The following SLC22A4 variants were observed in gnomAD, a reference collection of about 807,000 sequenced individuals.
SLC22A4 encodes ET transporter.
A neutral mutation model predicts 56.6 loss-of-function variants in SLC22A4; 39 were observed. The ratio of observed to expected loss-of-function variants is 0.69; its 90% CI spans 0.53 to 0.90. The LOEUF (loss-of-function observed/expected upper bound fraction) is 0.90. Ranked by LOEUF, SLC22A4 falls within the 40% of genes least tolerant of loss-of-function variation. SLC22A4 has a pLI of 0.00. For missense variants in SLC22A4, 594 were observed against 696.5 expected, an observed-to-expected ratio of 0.85 and a Z score of 1.66; for synonymous variants, 241 against 281.4, an observed-to-expected ratio of 0.86 and a Z score of 1.44.
intron 1 of SLC22A4, among the ~76,000 whole-genome samples, chr5:132,302,584 C>T (rs1749928940): frequency 6.6e-6 from 1 of 152,186 alleles, no homozygotes; most frequent in Non-Finnish European, 1.5e-5. Context: ...ACAGACAGTC[C>T]AAGGCTGGTG....
chr5:132,325,784 C>A (rs1057390335), intron 4 of SLC22A4, among the ~76,000 whole-genome samples: 12 of 152,196 alleles, frequency 7.9e-5, no homozygotes, highest in Non-Finnish European at 1.6e-4. Context: ...AGACACGACT[C>A]CAGAGGCAGG....
At chr5:132,336,097 C>A in intron 8 of SLC22A4, 97 bp downstream of exon 8, 1 of 1,314,922 alleles carries the variant, frequency 7.6e-7, no homozygotes, top group Non-Finnish European at 1.1e-6. Flanking sequence ...ATAGAATGTA[C>A]TGGAAAAAAG....
At chr5:132,317,373 A>C (rs371853925) in intron 3 of SLC22A4, among the ~76,000 whole-genome samples, 1 of 152,146 alleles carries the variant, frequency 6.6e-6, no homozygotes, top group African/African-American at 2.4e-5. Flanking sequence ...CCTGGCAACC[A>C]CTAATTTACT....
intron 3 of SLC22A4, among the ~76,000 whole-genome samples, chr5:132,320,706 G>C (rs1217645733): frequency 6.6e-6 from 1 of 152,164 alleles, no homozygotes; most frequent in Non-Finnish European, 1.5e-5. Context: ...CAGATAGGTG[G>C]TAAAATGAGA....
intron 1 of SLC22A4, among the ~76,000 whole-genome samples, chr5:132,297,587 G>C (rs1749808786): frequency 1.3e-5 from 2 of 151,906 alleles, no homozygotes; most frequent in Non-Finnish European, 2.9e-5. Context: ...ATGAAAAGAG[G>C]CTCAACATCA....
In SLC22A4 at chr5:132,343,823, A is replaced by G. The variant is rs1751288530; in HGVS notation, c.1644A>G (p.Ile548Met). ...CAGAAGAAAATCCCAAGGTTCTAAT[A>G]ACTGCATTCTGAAAAAATATCTACC... Reference protein sequence around the residue: ...METEENPKVLITAF With the variant: ...METEENPKVLMTAF The change falls in exon 10 of 10, where the codon ATA (isoleucine) becomes ATG (methionine). Residue 548 changes from isoleucine (I) to methionine (M), a missense_variant. Ile to Met is a conservative substitution (Grantham distance 10). Transcript: ENST00000200652. The G allele has an allele frequency of 6.2e-7, 1 of 1,602,386 alleles. No homozygotes were observed. Among genetic ancestry groups the G allele is most frequent in the Non-Finnish European group, 8.5e-7 (1 of 1,169,992 alleles).
intron 1 of SLC22A4, among the ~76,000 whole-genome samples, chr5:132,308,468 C>T (rs558263935): frequency 7.9e-6 from 1 of 127,168 alleles, no homozygotes; most frequent in South Asian, 2.7e-4. Context: ...TTCATTTCCT[C>T]ATTTGTAAAA....
rs758495778 is a variant in SLC22A4, at chr5:132,340,546, T to C, written c.1445-19T>C. On this transcript the variant is annotated intron_variant, in intron 8 of 9. Coordinates refer to ENST00000200652, the MANE Select transcript of SLC22A4 (RefSeq NM_003059.3). ...AGTCCTCCTATCTGATTGATGTTCTTATGTCCCGGGCTTTACAGGTGCTTA... is the reference window on the plus strand; with the variant it reads ...AGTCCTCCTATCTGATTGATGTTCTCATGTCCCGGGCTTTACAGGTGCTTA... 2 of 1,613,506 alleles carry C rather than the reference T, an allele frequency of 1.2e-6. No individual in the cohort carries two copies. Among genetic ancestry groups the C allele is most frequent in the Admixed American group, 3.3e-5 (2 of 60,018 alleles).
chr5:132,294,914 G>C lies in SLC22A4; in HGVS notation c.298G>C (p.Gly100Arg). ...ANFSALGLEP[G>R]RDVDLGQLEQ... ...CTTCTCGGCGCTCGGGCTGGAGCCG[G>C]GGCGCGACGTGGACCTGGGGCAGCT... Residue 100 changes from glycine (G) to arginine (R), a missense_variant, in exon 1 of 10, where the codon GGG (glycine) becomes CGG (arginine). By Grantham distance (125) the Gly-to-Arg change is moderately radical. Coordinates refer to ENST00000200652, the MANE Select transcript of SLC22A4 (RefSeq NM_003059.3). This position sits in a 1 kb window ranked among gnomAD's most constrained non-coding sequence, Gnocchi z 5.6. 6.3e-7 allele frequency: 1 copy of C among 1,596,136 alleles called. No homozygotes were observed. Among genetic ancestry groups the C allele is most frequent in the Non-Finnish European group, 8.5e-7 (1 of 1,172,114 alleles).
chr5:132,341,592 T>C (rs905746525), intron 9 of SLC22A4, among the ~76,000 whole-genome samples: 1 of 152,074 alleles, frequency 6.6e-6, no homozygotes, highest in African/African-American at 2.4e-5. Flanking sequence ...GAATAGTTAT[T>C]CAGTAAAAGG....
intron 9 of SLC22A4, among the ~76,000 whole-genome samples, chr5:132,341,912 A>G (rs941110301): frequency 4.1e-4 from 63 of 152,150 alleles, no homozygotes; most frequent in African/African-American, 1.5e-3. Context: ...GCGCCACTAC[A>G]CTCCAGTCTG....
chr5:132,332,585 C>T (rs1431609042), intron 6 of SLC22A4, among the ~76,000 whole-genome samples: 1 of 152,110 alleles, frequency 6.6e-6, no homozygotes, highest in Non-Finnish European at 1.5e-5. Context: ...TGGATTGGAG[C>T]CTTGATCAGC....
intron 8 of SLC22A4, among the ~76,000 whole-genome samples, chr5:132,339,122 C>T (rs1265875851): frequency 6.6e-6 from 1 of 152,202 alleles, no homozygotes; most frequent in East Asian, 1.9e-4. Context: ...TTCAGCCAGT[C>T]CCTCCTTTCG....
intron 9 of SLC22A4, 100 bp from the exon 10 acceptor site, chr5:132,343,660 A>G: frequency 1.3e-6 from 1 of 746,524 alleles, no homozygotes. Context: ...TTACTTGTTC[A>G]TTGATTGGAG....
intron 8 of SLC22A4, among the ~76,000 whole-genome samples, chr5:132,338,176 T>G (rs1302559479): frequency 6.6e-6 from 1 of 152,110 alleles, no homozygotes; most frequent in Non-Finnish European, 1.5e-5. Context: ...AGAGAGAAAT[T>G]TTAAAGCTAG....
chr5:132,310,006 GTTC>G (rs377440668), intron 1 of SLC22A4, among the ~76,000 whole-genome samples: 2 of 152,372 alleles, frequency 1.3e-5, no homozygotes, highest in East Asian at 1.9e-4. Flanking sequence ...CCAATCTTGA[GTTC>G]TTCTTGGCTC....
chr5:132,331,465 T>C (rs1229403724), intron 5 of SLC22A4, among the ~76,000 whole-genome samples: 2 of 152,238 alleles, frequency 1.3e-5, no homozygotes, highest in African/African-American at 2.4e-5. Flanking sequence ...ATCCATTCTC[T>C]GACTGTCAGT....
Position 132,294,912 on chromosome 5 carries a change from C to CGGGGCGCGACGTGGACCT in SLC22A4, c.302_319dup (p.Arg101_Gly106dup). 1 of 1,595,386 alleles carries CGGGGCGCGACGTGGACCT rather than the reference C, an allele frequency of 6.3e-7. No homozygotes were observed. Among genetic ancestry groups the CGGGGCGCGACGTGGACCT allele is most frequent in the Non-Finnish European group, 8.5e-7 (1 of 1,171,746 alleles). The stretch of plus-strand genomic sequence containing the variant: ...AACTTCTCGGCGCTCGGGCTGGAGC[C>CGGGGCGCGACGTGGACCT]GGGGCGCGACGTGGACCTGGGGCAG... On this transcript the variant is annotated inframe_insertion, in exon 1 of 10. Transcript: ENST00000200652. The surrounding 1 kb of genome is among the most constrained non-coding windows in gnomAD (Gnocchi z 5.6).
Position 132,313,707 on chromosome 5 carries a change from T to A in SLC22A4, c.591T>A (p.Thr197=), listed in dbSNP as rs754580524. ...QIFSISWEMF[T]VLFVIVGMGQ... ...TCTCCATCAGCTGGGAGATGTTCAC[T>A]GTGTTATTTGTCATCGTGGGCATGG... The change falls in exon 3 of 10, where the codon ACT becomes ACA. Residue 197 remains threonine (T), a synonymous_variant. Coordinates refer to ENST00000200652, the MANE Select transcript of SLC22A4 (RefSeq NM_003059.3). 2 of 1,614,190 alleles carry A rather than the reference T, an allele frequency of 1.2e-6. No homozygotes were observed. Among genetic ancestry groups the A allele is most frequent in the African/African-American group, 2.7e-5 (2 of 75,070 alleles).
Sources: allele counts gnomAD v4.1 joint callset (sites outside exome capture counted in the v4.1 genomes callset), GRCh38; gene constraint gnomAD v4.1.1; non-coding constraint Gnocchi (gnomAD v3.1); transcripts MANE v1.5; gene names NCBI Gene and HGNC (gene_info 2026-07-23, HGNC 2026-07-21).